The following NXPE2 variants were observed in gnomAD, a reference collection of about 807,000 sequenced individuals.
The protein encoded by NXPE2 is neurexophilin and PC-esterase domain family member 2.
In NXPE2, 34 loss-of-function variants were observed where a neutral mutation model predicts 34.4. The observed-to-expected ratio is 0.99, with a 90% CI of 0.75 to 1.31. The LOEUF (loss-of-function observed/expected upper bound fraction) is 1.31, where lower values mean the gene tolerates loss of function less well. Ranked by LOEUF, NXPE2 falls within the 40% of genes most tolerant of loss-of-function variation. The pLI, the probability that NXPE2 is intolerant of heterozygous loss-of-function variation, is 0.00. For synonymous variants in NXPE2, 235 were observed against 231.3 expected, an observed-to-expected ratio of 1.02 and a Z score of -0.15; for missense variants, 649 against 672.5, an observed-to-expected ratio of 0.97 and a Z score of 0.39.
At chr11:114,552,727 G>A in the NXPE2 span, 3 of 188,562 alleles carry the variant, frequency 1.6e-5, no homozygotes, top group African/African-American at 4.8e-5. Flanking sequence ...AAAGTAGTGC[G>A]TATGGATATG....
At chr11:114,654,918 C>T in the NXPE2 span, among the ~76,000 whole-genome samples, 4 of 152,286 alleles carry the variant, frequency 2.6e-5, no homozygotes, top group African/African-American at 9.6e-5. Flanking sequence ...AATGATTGAA[C>T]TAATCTATAT....
the NXPE2 span, chr11:114,580,432 G>C: frequency 2.0e-6 from 2 of 997,026 alleles, no homozygotes; most frequent in Admixed American, 1.9e-5. Flanking sequence ...ATCCTAAGAG[G>C]GGGTAAGGTG....
In NXPE2 at chr11:114,692,343, A is replaced by T. The variant is rs189970844; in HGVS notation, c.133-5702A>T. 3.3e-4 allele frequency among the ~76,000 whole-genome samples: 51 copies of T among 152,268 alleles called. 1 individual carries two copies. The highest frequency in any genetic ancestry group is 1.2e-3 in the African/African-American group (51 of 41,564). On this transcript the variant is annotated intron_variant, in intron 2 of 5. Coordinates refer to ENST00000389586, the MANE Select transcript of NXPE2 (RefSeq NM_182495.6). ...GTTGCAGGGTAGCAAGTACCCTCCC[A>T]GGGCTGTGTGGGTGCACCCATTCTC...
intron 2 of NXPE2, among the ~76,000 whole-genome samples, chr11:114,682,419 T>C (rs148251909): frequency 1.3e-5 from 2 of 152,270 alleles, no homozygotes; most frequent in African/African-American, 4.8e-5. Context: ...TTGAATGGCT[T>C]TAATTTCTGG....
chr11:114,741,475 C>T, the NXPE2 span, among the ~76,000 whole-genome samples: 3 of 151,942 alleles, frequency 2.0e-5, no homozygotes, highest in Non-Finnish European at 4.4e-5. Context: ...TTGGTGGTGT[C>T]CTATAAATCC....
At chr11:114,591,320 A>T in the NXPE2 span, among the ~76,000 whole-genome samples, 1 of 152,228 alleles carries the variant, frequency 6.6e-6, no homozygotes, top group Non-Finnish European at 1.5e-5. Flanking sequence ...ACCATTTGGA[A>T]GGAAAGACAC....
the NXPE2 span, among the ~76,000 whole-genome samples, chr11:114,740,829 T>G: frequency 6.6e-6 from 1 of 152,202 alleles, no homozygotes; most frequent in African/African-American, 2.4e-5. Context: ...TAATATTTGC[T>G]TGATGTATTT....
At chr11:114,804,327 G>A in the NXPE2 span, among the ~76,000 whole-genome samples, 1 of 152,166 alleles carries the variant, frequency 6.6e-6, no homozygotes, top group Admixed American at 6.5e-5. Flanking sequence ...TCCCTTTATA[G>A]CCTTCACTCA....
chr11:114,715,469 C>G, the NXPE2 span, among the ~76,000 whole-genome samples: 1 of 152,128 alleles, frequency 6.6e-6, no homozygotes, highest in Non-Finnish European at 1.5e-5. Flanking sequence ...ATAATTCACT[C>G]TTAAGCCTTT....
At chr11:114,646,105 C>A in the NXPE2 span, among the ~76,000 whole-genome samples, 2 of 151,936 alleles carry the variant, frequency 1.3e-5, no homozygotes, top group African/African-American at 2.4e-5. Flanking sequence ...TCTTTTATTT[C>A]TTAATATGTT....
At chr11:114,613,226 G>A in the NXPE2 span, among the ~76,000 whole-genome samples, 16 of 151,092 alleles carry the variant, frequency 1.1e-4, no homozygotes, top group Admixed American at 9.2e-4. Context: ...TTGTTGCCTC[G>A]AGGGTAACCA....
chr11:114,643,910 C>A, the NXPE2 span, among the ~76,000 whole-genome samples: 1 of 152,026 alleles, frequency 6.6e-6, no homozygotes, highest in South Asian at 2.1e-4. Context: ...GAGTGTTTTT[C>A]CATTTTTTTG....
chr11:114,551,155 G>T, the NXPE2 span: 1 of 1,535,094 alleles, frequency 6.5e-7, no homozygotes, highest in Non-Finnish European at 8.7e-7. Flanking sequence ...TACTGAAAAA[G>T]AGATCAAGAT....
intron 4 of NXPE2, among the ~76,000 whole-genome samples, chr11:114,705,001 C>A (rs7929548): frequency 5.3e-5 from 8 of 152,122 alleles, no homozygotes; most frequent in Non-Finnish European, 2.9e-5. Flanking sequence ...TTATTCAATA[C>A]GAACAAATGT....
the NXPE2 span, among the ~76,000 whole-genome samples, chr11:114,670,213 A>G: frequency 6.6e-6 from 1 of 151,922 alleles, no homozygotes; most frequent in Non-Finnish European, 1.5e-5. Context: ...TCCATTAGGT[A>G]TGATAACAAC....
the NXPE2 span, among the ~76,000 whole-genome samples, chr11:114,509,694 C>G: frequency 6.6e-6 from 1 of 152,096 alleles, no homozygotes; most frequent in South Asian, 2.1e-4. Context: ...ACCACATGTT[C>G]TCACTTATAA....
the NXPE2 span, chr11:114,584,539 G>A: frequency 4.9e-5 from 8 of 164,856 alleles, no homozygotes; most frequent in African/African-American, 1.2e-4. Context: ...GAGGGAGAGC[G>A]TGGCTGCAAG....
chr11:114,615,230 G>A, the NXPE2 span, among the ~76,000 whole-genome samples: 1 of 151,904 alleles, frequency 6.6e-6, no homozygotes, highest in Non-Finnish European at 1.5e-5. Flanking sequence ...ATCGCCTCTT[G>A]GGTAACCACT....
the NXPE2 span, among the ~76,000 whole-genome samples, chr11:114,646,839 A>G: frequency 1.3e-5 from 2 of 152,218 alleles, no homozygotes; most frequent in African/African-American, 4.8e-5. Context: ...ACCATATGTG[A>G]TTCTCAATGT....
Sources: gnomAD v4.1 joint callset for allele counts (sites outside exome capture counted in the v4.1 genomes callset) on GRCh38, gnomAD v4.1.1 for gene constraint, MANE v1.5 for transcripts, NCBI Gene and HGNC (gene_info 2026-07-23, HGNC 2026-07-21) for gene names.